Variants in ST7 observed in about 807,000 individuals in gnomAD.
ST7 encodes suppressor of tumorigenicity 7 protein.
A neutral mutation model predicts 78.7 loss-of-function variants in ST7; 28 were observed. The observed-to-expected ratio is 0.36, with a 90% confidence interval of 0.26 to 0.49. The LOEUF (loss-of-function observed/expected upper bound fraction) is 0.49, where lower values mean the gene tolerates loss of function less well. ST7 is among the 20% of genes least tolerant of loss of function. The probability of loss-of-function intolerance (pLI) is 0.99; values close to 1 mark genes in which losing one functional copy is unlikely to be tolerated. For synonymous variants in ST7, 247 were observed against 249.6 expected (o/e 0.99, Z 0.10); for missense variants, 418 against 696.0 (o/e 0.60, Z 4.49).
intron 9 of ST7, among the ~76,000 whole-genome samples, chr7:117,144,620 A>G (rs2117112551): frequency 6.7e-6 from 1 of 149,514 alleles, no homozygotes; most frequent in Non-Finnish European, 1.5e-5. Flanking sequence ...GCAACAGAGT[A>G]AGACCCTGTC....
At chr7:117,143,695 G>A (rs962830866) in intron 9 of ST7, among the ~76,000 whole-genome samples, 1 of 152,160 alleles carries the variant, frequency 6.6e-6, no homozygotes, top group Non-Finnish European at 1.5e-5. Flanking sequence ...TGTATCAGAA[G>A]TGCCCAGGGT....
intron 1 of ST7, among the ~76,000 whole-genome samples, chr7:116,975,107 C>CA (rs1251399307): frequency 6.6e-6 from 1 of 152,180 alleles, no homozygotes; most frequent in Non-Finnish European, 1.5e-5. Flanking sequence ...TTAATGGACT[C>CA]ACAGTTCCAC....
intron 10 of ST7, among the ~76,000 whole-genome samples, chr7:117,180,817 T>G (rs1427027009): frequency 1.3e-5 from 2 of 152,086 alleles, no homozygotes; most frequent in African/African-American, 4.8e-5. Flanking sequence ...GCCTGGCCAA[T>G]TTTTTCTATT....
At chr7:117,075,072 T>G (rs1307287042) in intron 1 of ST7, among the ~76,000 whole-genome samples, 1 of 152,238 alleles carries the variant, frequency 6.6e-6, no homozygotes, top group East Asian at 1.9e-4. Context: ...ATAAAGGTGA[T>G]ACCAGTGGTA....
chr7:117,129,466 A>G lies in ST7; in HGVS notation c.395-327A>G, dbSNP rs1804154661. 3.3e-5 allele frequency among the ~76,000 whole-genome samples: 5 copies of G among 151,888 alleles called. No homozygotes were observed. The South Asian group carries it at 6.2e-4, about 19-fold the overall frequency. ...TTTACTTCTGCCTATACTTTTATCT[A>G]TAAGGTTTTAGAAGTAAATTCATAG... On this transcript the variant is annotated intron_variant, in intron 3 of 15. Coordinates refer to ENST00000323984, the MANE Select transcript of ST7 (RefSeq NM_001369598.1).
intron 9 of ST7, among the ~76,000 whole-genome samples, chr7:117,139,081 A>G (rs1805049011): frequency 6.6e-6 from 1 of 152,182 alleles, no homozygotes. Flanking sequence ...TTAGTAGTCA[A>G]GACAAAAGAA....
chr7:117,066,699 T>G (rs1383666910), intron 1 of ST7, among the ~76,000 whole-genome samples: 1 of 145,716 alleles, frequency 6.9e-6, no homozygotes, highest in Admixed American at 7.2e-5. Context: ...AGGCAGAGAT[T>G]GCAGTGAGCC....
chr7:117,211,270 A>G (rs1201692483), intron 13 of ST7, among the ~76,000 whole-genome samples: 1 of 152,236 alleles, frequency 6.6e-6, no homozygotes, highest in Non-Finnish European at 1.5e-5. Context: ...CAGTAAGTGT[A>G]ATAGCACACT....
intron 1 of ST7, among the ~76,000 whole-genome samples, chr7:117,022,386 T>C (rs1175947629): frequency 6.6e-6 from 1 of 152,216 alleles, no homozygotes; most frequent in Non-Finnish European, 1.5e-5. Flanking sequence ...CGTGTATACC[T>C]ATGTAACAAA....
intron 1 of ST7, among the ~76,000 whole-genome samples, chr7:117,099,225 A>G (rs1240823449): frequency 6.6e-6 from 1 of 152,018 alleles, no homozygotes; most frequent in Non-Finnish European, 1.5e-5. Flanking sequence ...ACTGGCCAAA[A>G]CCACAATTAC....
At chr7:117,050,221 AAAAAAAAG>A (rs968201856) in intron 1 of ST7, among the ~76,000 whole-genome samples, 3 of 151,872 alleles carry the variant, frequency 2.0e-5, no homozygotes, top group African/African-American at 7.3e-5. Context: ...TCTCAAAAAA[AAAAAAAAG>A]AAAAAAAGAA....
At chr7:117,033,194 C>T (rs530244080) in intron 1 of ST7, among the ~76,000 whole-genome samples, 1 of 152,216 alleles carries the variant, frequency 6.6e-6, no homozygotes. Context: ...GCAGCATCAA[C>T]ATGCTGTGTA....
intron 1 of ST7, among the ~76,000 whole-genome samples, chr7:116,988,889 C>G (rs979893579): frequency 4.6e-5 from 7 of 152,066 alleles, no homozygotes; most frequent in African/African-American, 1.7e-4. Flanking sequence ...TAAAATTCAG[C>G]AAATAGCAAA....
rs144004814 is a variant in ST7 at position 116,965,428 on chromosome 7, G to T, written c.151+11737G>T. Among the ~76,000 whole-genome samples, 29 of 152,092 alleles carry T rather than the reference G, an allele frequency of 1.9e-4. 1 individual carries two copies. In the East Asian group the frequency reaches 4.8e-3, roughly 25 times the overall value. On this transcript the variant is annotated intron_variant, in intron 1 of 15. Transcript: ENST00000323984. ...TGGAAGGGTGGGGGGCAAGGGGAGG[G>T]AGAGCATTAGGACAAATACCTAATG...
chr7:117,130,723 G>A, intron 5 of ST7, 117 bp downstream of exon 5: 1 of 650,740 alleles, frequency 1.5e-6, no homozygotes, highest in Non-Finnish European at 2.5e-6. Flanking sequence ...TTAAATTGTT[G>A]ATTGACTAAT....
intron 9 of ST7, 32 bp downstream of exon 9, chr7:117,138,564 CT>C: frequency 6.7e-7 from 1 of 1,498,888 alleles, no homozygotes; most frequent in Non-Finnish European, 9.1e-7. Flanking sequence ...GGATCAGTGG[CT>C]TACAGATATA....
chr7:117,228,733 G>T (rs1025615799), intron 15 of ST7, among the ~76,000 whole-genome samples: 1 of 152,070 alleles, frequency 6.6e-6, no homozygotes, highest in African/African-American at 2.4e-5. Context: ...TCAGAACTAT[G>T]ATCCCCTCTG....
chr7:117,192,545 A>T (rs915408633), intron 12 of ST7, among the ~76,000 whole-genome samples: 3 of 152,218 alleles, frequency 2.0e-5, no homozygotes, highest in African/African-American at 7.2e-5. Flanking sequence ...TTTGTAAATT[A>T]TTAAGATTTT....
chr7:117,133,824 A>T (rs1176515918), intron 6 of ST7, among the ~76,000 whole-genome samples: 4 of 151,934 alleles, frequency 2.6e-5, no homozygotes, highest in African/African-American at 9.6e-5. Context: ...GTCCTTTAAA[A>T]ATCTGACCTG....
Sources: gnomAD v4.1 joint callset for allele counts (sites outside exome capture counted in the v4.1 genomes callset) on GRCh38, gnomAD v4.1.1 for gene constraint, MANE v1.5 for transcripts, NCBI Gene and HGNC (gene_info 2026-07-23, HGNC 2026-07-21) for gene names.